Variants in DMD observed in about 807,000 individuals in gnomAD.
DMD encodes mutant dystrophin.
Under a neutral mutation model 330.1 loss-of-function variants are expected in DMD, and 63 were observed. That is an observed-to-expected ratio of 0.19 (90% confidence interval 0.16 to 0.24). The LOEUF is 0.24. DMD is among the 10% of genes least tolerant of loss of function. DMD has a pLI of 1.00. For synonymous variants in DMD, 1,223 were observed against 959.8 expected (o/e 1.27, Z -5.07); for missense variants, 3,344 against 2,684.1 (o/e 1.25, Z -5.43).
intron 37 of DMD, among the ~76,000 whole-genome samples, chrX:32,359,871 A>G: frequency 9.0e-6 from 1 of 110,789 alleles, no homozygotes; most frequent in African/African-American, 3.3e-5. Flanking sequence ...TTTAAATAAT[A>G]TGATTTTAAT....
intron 1 of DMD, among the ~76,000 whole-genome samples, chrX:33,109,818 T>C (rs1005416917): frequency 1.8e-5 from 2 of 111,594 alleles, no homozygotes; most frequent in Non-Finnish European, 3.8e-5. Flanking sequence ...GCCTGTTGTC[T>C]ATATGAAATA....
chrX:32,623,736 A>G (rs2058156524), intron 11 of DMD, among the ~76,000 whole-genome samples: 1 of 110,387 alleles, frequency 9.1e-6, no homozygotes, highest in Non-Finnish European at 1.9e-5. Flanking sequence ...TATGTTGCCC[A>G]GGCTAGTCTT....
intron 7 of DMD, among the ~76,000 whole-genome samples, chrX:32,719,021 A>G (rs1409107285): frequency 1.8e-5 from 2 of 111,867 alleles, no homozygotes; most frequent in Admixed American, 1.9e-4. Flanking sequence ...AAATAGTCTG[A>G]TTCAATTACC....
chrX:32,984,349 G>A (rs1418813023), intron 2 of DMD, among the ~76,000 whole-genome samples: 7 of 112,363 alleles, frequency 6.2e-5, no homozygotes, highest in Non-Finnish European at 1.9e-5. Context: ...CCGCCTCCCA[G>A]GTTCAAGCGA....
chrX:33,060,633 G>T (rs890855850), intron 1 of DMD, among the ~76,000 whole-genome samples: 1 of 110,523 alleles, frequency 9.0e-6, no homozygotes, highest in African/African-American at 3.3e-5. Context: ...TAGAGTTCGA[G>T]ACCAGCCTGA....
At chrX:31,295,495 C>T (rs764745525) in intron 62 of DMD, among the ~76,000 whole-genome samples, 1 of 110,781 alleles carries the variant, frequency 9.0e-6, no homozygotes, top group African/African-American at 3.3e-5. Context: ...CTCACTGCAA[C>T]CTCCACCTCC....
intron 60 of DMD, among the ~76,000 whole-genome samples, chrX:31,376,599 C>G (rs774955685): frequency 8.9e-6 from 1 of 111,836 alleles, no homozygotes; most frequent in African/African-American, 3.2e-5. Context: ...TCCTGTCTAG[C>G]AAGAATGGAG....
rs1303288898 is a variant in DMD, at chrX:32,310,071, T to G, written c.6117+11A>C. ...CCTTGTAAAATACGAATGAAAGTGC[T>G]TTGGTTTTACCTTCAGAGACTCCTC... On this transcript the variant is annotated intron_variant, in intron 42 of 78. Coordinates refer to ENST00000357033, the MANE Select transcript of DMD (RefSeq NM_004006.3). 5.0e-6 allele frequency: 6 copies of G among 1,199,859 alleles called. No homozygotes were observed. The African/African-American group carries it at 8.8e-5, about 18-fold the overall frequency.
chrX:32,005,981 G>A (rs1406430433), intron 44 of DMD, among the ~76,000 whole-genome samples: 2 of 111,375 alleles, frequency 1.8e-5, no homozygotes, highest in Admixed American at 1.9e-4. Context: ...ACATTCCGAA[G>A]ACTGATTTCC....
intron 46 of DMD, among the ~76,000 whole-genome samples, chrX:31,931,562 G>A (rs534794104): frequency 6.7e-4 from 74 of 110,728 alleles, no homozygotes; most frequent in African/African-American, 2.2e-3. Context: ...AGGCTGAAGT[G>A]GTGAGACTGA....
At chrX:31,822,653 G>GGT (rs1556919105) in intron 49 of DMD, among the ~76,000 whole-genome samples, 767 of 65,784 alleles carry the variant, frequency 0.012, 14 homozygotes, top group Middle Eastern at 0.021. Context: ...AAGGCAGAGG[G>GGT]GTGTGTGTGT....
At chrX:32,309,628 T>C (rs2097553857) in intron 42 of DMD, among the ~76,000 whole-genome samples, 1 of 111,297 alleles carries the variant, frequency 9.0e-6, no homozygotes, top group Admixed American at 9.6e-5. Flanking sequence ...CCATATGTTA[T>C]AGCACAGGTA....
chrX:32,377,508 A>T (rs961327424), intron 34 of DMD, among the ~76,000 whole-genome samples: 2 of 111,655 alleles, frequency 1.8e-5, no homozygotes, highest in African/African-American at 6.5e-5. Context: ...GTTAGCAAAA[A>T]TTTTTAGCTA....
chrX:32,200,067 A>G (rs2097027161), intron 44 of DMD, among the ~76,000 whole-genome samples: 1 of 111,047 alleles, frequency 9.0e-6, no homozygotes, highest in African/African-American at 3.3e-5. Flanking sequence ...GAGAAAATTT[A>G]AGGCTGTTTA....
Position 31,951,149 on chromosome X carries a change from A to ATATATGTATG in DMD, c.6614+17189_6614+17190insCATACATATA, listed in dbSNP as rs1557025530. 2.8e-3 allele frequency among the ~76,000 whole-genome samples: 211 copies of ATATATGTATG among 74,367 alleles called. 3 individuals are homozygous for ATATATGTATG. The highest frequency in any genetic ancestry group is 0.012 in the African/African-American group (197 of 15,928). 64.6% of individuals were successfully genotyped at this position (74,367 alleles called of 115,157 possible). A position where few individuals can be genotyped will look rare whatever the true frequency, so the allele number is the denominator to read the frequency against. On this transcript the variant is annotated intron_variant, in intron 45 of 78. Transcript: ENST00000357033. ...TATATATATATATATATGTGTATAT[A>ATATATGTATG]TATATATATGTATATATATATATAT...
At chrX:31,815,847 G>A (rs2092611050) in intron 50 of DMD, among the ~76,000 whole-genome samples, 1 of 111,679 alleles carries the variant, frequency 9.0e-6, no homozygotes, top group African/African-American at 3.3e-5. Context: ...AGAAGGTCTT[G>A]TAGCTTCCAC....
chrX:32,351,203 C>A (rs1310669759), intron 37 of DMD, among the ~76,000 whole-genome samples: 1 of 110,806 alleles, frequency 9.0e-6, no homozygotes, highest in Non-Finnish European at 1.9e-5. Flanking sequence ...AATCTTGGGT[C>A]TTATTTTGAT....
chrX:32,471,156 T>C (rs1050216979), intron 22 of DMD, among the ~76,000 whole-genome samples: 4 of 110,825 alleles, frequency 3.6e-5, no homozygotes, highest in Non-Finnish European at 5.7e-5. Context: ...GCACGCACTA[T>C]AATCCCAGCT....
At chrX:31,362,252 T>C (rs1000920647) in intron 60 of DMD, among the ~76,000 whole-genome samples, 3 of 112,044 alleles carry the variant, frequency 2.7e-5, no homozygotes, top group African/African-American at 9.7e-5. Context: ...TATCAAACTT[T>C]TTCTAGACTT....
Sources: allele counts gnomAD v4.1 joint callset (sites outside exome capture counted in the v4.1 genomes callset), GRCh38; gene constraint gnomAD v4.1.1; transcripts MANE v1.5; gene names NCBI Gene and HGNC (gene_info 2026-07-23, HGNC 2026-07-21).